The following NUBPL variants were observed in gnomAD, a reference collection of about 807,000 sequenced individuals.
The protein encoded by NUBPL is NUBP iron-sulfur cluster assembly factor, mitochondrial.
In NUBPL, 31 loss-of-function variants were observed where a neutral mutation model predicts 45.7. That is an observed-to-expected ratio of 0.68 (90% CI 0.51 to 0.92). NUBPL has a LOEUF of 0.92. Ranked by LOEUF, NUBPL falls within the 40% of genes least tolerant of loss-of-function variation. The pLI is 0.00. For synonymous variants in NUBPL, 144 were observed against 140.9 expected, an observed-to-expected ratio of 1.02 and a Z score of -0.15; for missense variants, 401 against 398.7, an observed-to-expected ratio of 1.01 and a Z score of -0.05.
chr14:31,570,050 A>G (rs1476012164), intron 3 of NUBPL, among the ~76,000 whole-genome samples: 1 of 152,170 alleles, frequency 6.6e-6, no homozygotes, highest in Non-Finnish European at 1.5e-5. Flanking sequence ...ATTTCAGTTC[A>G]TTTTAGTTCA....
At chr14:31,626,305 C>A (rs2035205389) in intron 4 of NUBPL, among the ~76,000 whole-genome samples, 1 of 152,018 alleles carries the variant, frequency 6.6e-6, no homozygotes, top group Non-Finnish European at 1.5e-5. Context: ...CAGCGCCTGG[C>A]TAATTTTTGT....
chr14:31,663,658 G>C (rs1395260147), intron 4 of NUBPL, among the ~76,000 whole-genome samples: 1 of 152,178 alleles, frequency 6.6e-6, no homozygotes, highest in African/African-American at 2.4e-5. Flanking sequence ...AGTATAGTTT[G>C]AAGTCAGGTA....
At chr14:31,775,688 A>G (rs1595612450) in intron 6 of NUBPL, among the ~76,000 whole-genome samples, 2 of 152,232 alleles carry the variant, frequency 1.3e-5, no homozygotes, top group South Asian at 2.1e-4. Context: ...GGCTACCTTG[A>G]TGAACTTTCT....
At chr14:31,754,061 T>C (rs1397401138) in intron 6 of NUBPL, among the ~76,000 whole-genome samples, 1 of 152,190 alleles carries the variant, frequency 6.6e-6, no homozygotes, top group African/African-American at 2.4e-5. Flanking sequence ...TAAAACAGCA[T>C]GTTGTACTCC....
intron 6 of NUBPL, among the ~76,000 whole-genome samples, chr14:31,733,039 A>T (rs536723381): frequency 6.6e-6 from 1 of 152,258 alleles, no homozygotes; most frequent in African/African-American, 2.4e-5. Context: ...ATCTCAAATT[A>T]ATTTTTGTGT....
intron 6 of NUBPL, among the ~76,000 whole-genome samples, chr14:31,732,688 T>C (rs1034671656): frequency 6.9e-6 from 1 of 144,410 alleles, no homozygotes; most frequent in African/African-American, 2.5e-5. Flanking sequence ...CTCAGCTCAC[T>C]GCAACCTCCA....
At chr14:31,747,884 A>G (rs901641364) in intron 6 of NUBPL, among the ~76,000 whole-genome samples, 1 of 152,068 alleles carries the variant, frequency 6.6e-6, no homozygotes, top group African/African-American at 2.4e-5. Context: ...CTTGAGGTAC[A>G]TCAATATGTT....
intron 6 of NUBPL, among the ~76,000 whole-genome samples, chr14:31,712,683 C>T (rs2037603894): frequency 1.3e-5 from 2 of 152,234 alleles, no homozygotes; most frequent in Admixed American, 6.5e-5. Flanking sequence ...CATGTTGTCA[C>T]CTCTCACCAG....
rs1018545554 is a variant in NUBPL at position 31,703,919 on chromosome 14, A to G, written c.513+30345A>G. On this transcript the variant is annotated intron_variant, in intron 6 of 10. Coordinates refer to ENST00000281081, the MANE Select transcript of NUBPL (RefSeq NM_025152.3). Reference sequence around the variant, plus strand: ...TGTCTCTGCCTGGCACAGCTGCCAAATTATCATTTTTAGAGAAGCAGTATG... The same window carrying G: ...TGTCTCTGCCTGGCACAGCTGCCAAGTTATCATTTTTAGAGAAGCAGTATG... Among the ~76,000 whole-genome samples the G allele has an allele frequency of 2.2e-5, 3 of 135,996 alleles. No homozygotes were observed. The East Asian group carries it at 6.9e-4, about 31-fold the overall frequency. 89.2% of individuals were successfully genotyped at this position (135,996 alleles called of 152,430 possible).
chr14:31,808,549 T>A (rs1388534876), intron 7 of NUBPL, among the ~76,000 whole-genome samples: 1 of 152,188 alleles, frequency 6.6e-6, no homozygotes, highest in Non-Finnish European at 1.5e-5. Flanking sequence ...AGATATACAA[T>A]CATGTCATCT....
At chr14:31,678,645 T>A (rs2036757657) in intron 6 of NUBPL, among the ~76,000 whole-genome samples, 2 of 152,236 alleles carry the variant, frequency 1.3e-5, no homozygotes, top group African/African-American at 4.8e-5. Flanking sequence ...CTACTGTGGC[T>A]AAGCTGGTAT....
chr14:31,745,967 T>C (rs1257104391), intron 6 of NUBPL, among the ~76,000 whole-genome samples: 1 of 151,978 alleles, frequency 6.6e-6, no homozygotes, highest in Non-Finnish European at 1.5e-5. Flanking sequence ...ACAAGCCCTT[T>C]CTATAAGTAA....
intron 10 of NUBPL, among the ~76,000 whole-genome samples, chr14:31,852,148 C>A (rs2040547745): frequency 6.6e-6 from 1 of 152,102 alleles, no homozygotes; most frequent in African/African-American, 2.4e-5. Flanking sequence ...ACCTTTCTCT[C>A]CATCTATAAA....
At chr14:31,742,769 ATTT>A (rs34130229) in intron 6 of NUBPL, among the ~76,000 whole-genome samples, 2 of 136,366 alleles carry the variant, frequency 1.5e-5, no homozygotes, top group African/African-American at 2.7e-5. Context: ...AACCCAGCTG[ATTT>A]TTTTTTTTTT....
At chr14:31,639,436 C>T (rs2035613072) in intron 4 of NUBPL, among the ~76,000 whole-genome samples, 1 of 152,176 alleles carries the variant, frequency 6.6e-6, no homozygotes, top group Non-Finnish European at 1.5e-5. Context: ...GATCGTTCCT[C>T]TGGAAGTTTT....
intron 4 of NUBPL, among the ~76,000 whole-genome samples, chr14:31,617,724 G>A (rs143858622): frequency 1.5e-3 from 225 of 152,250 alleles, no homozygotes; most frequent in Middle Eastern, 0.014. Flanking sequence ...CGGGGATATA[G>A]GCTTGAAATT....
At chr14:31,592,589 G>A (rs2034170613) in intron 3 of NUBPL, among the ~76,000 whole-genome samples, 1 of 151,638 alleles carries the variant, frequency 6.6e-6, no homozygotes, top group East Asian at 1.9e-4. Context: ...TCACACATAA[G>A]GCAGAATGTT....
At position 31,739,113 on chromosome 14, in the gene NUBPL, G is replaced by A. The variant is rs747138562; in HGVS notation, c.514-48667G>A. 1.2e-3 allele frequency among the ~76,000 whole-genome samples: 183 copies of A among 148,124 alleles called. 1 individual carries two copies. The highest frequency in any genetic ancestry group is 4.3e-4 in the Non-Finnish European group (29 of 67,026). ...ACTGCAACCTCCGCCTCCTGGGTTC[G>A]AGCAATTCTCCTGCCTCAGCCTCCC... On this transcript the variant is annotated intron_variant, in intron 6 of 10. Transcript: ENST00000281081.
chr14:31,842,432 A>G (rs2040391217), intron 8 of NUBPL, among the ~76,000 whole-genome samples: 1 of 152,194 alleles, frequency 6.6e-6, no homozygotes, highest in Non-Finnish European at 1.5e-5. Flanking sequence ...CTTAGTTATC[A>G]AAACCTCTGA....
Sources: allele counts gnomAD v4.1 joint callset (sites outside exome capture counted in the v4.1 genomes callset), GRCh38; gene constraint gnomAD v4.1.1; transcripts MANE v1.5; gene names NCBI Gene and HGNC (gene_info 2026-07-23, HGNC 2026-07-21).